RNGTT: variants seen among roughly 807,000 people sequenced by gnomAD.
RNGTT encodes mRNA-capping enzyme.
Under a neutral mutation model 79.3 loss-of-function variants are expected in RNGTT, and 33 were observed. That is an observed-to-expected ratio of 0.42 (90% CI 0.32 to 0.56). RNGTT has a LOEUF of 0.56. RNGTT is among the 20% of genes least tolerant of loss of function. The probability of loss-of-function intolerance (pLI) is 0.17; values close to 1 mark genes in which losing one functional copy is unlikely to be tolerated. For synonymous variants in RNGTT, 222 were observed against 235.9 expected (o/e 0.94, Z 0.54); for missense variants, 497 against 739.1 (o/e 0.67, Z 3.80).
intron 13 of RNGTT, among the ~76,000 whole-genome samples, chr6:88,769,423 G>A (rs1441871970): frequency 6.6e-6 from 1 of 152,074 alleles, no homozygotes; most frequent in African/African-American, 2.4e-5. Flanking sequence ...GCCTCCCAAA[G>A]TGCTAGGATT....
chr6:88,619,030 G>A (rs946404595), intron 14 of RNGTT, among the ~76,000 whole-genome samples: 7 of 151,696 alleles, frequency 4.6e-5, no homozygotes, highest in African/African-American at 1.5e-4. Context: ...TTTATTATTT[G>A]GTTTATAATA....
chr6:88,874,155 T>G (rs1176458543), intron 8 of RNGTT, among the ~76,000 whole-genome samples: 1 of 152,138 alleles, frequency 6.6e-6, no homozygotes, highest in Non-Finnish European at 1.5e-5. Context: ...TTGCATTAAT[T>G]ACCATTTATG....
chr6:88,719,412 C>T (rs9342152), intron 13 of RNGTT, among the ~76,000 whole-genome samples: 18,013 of 152,194 alleles, frequency 0.12, 1,187 homozygotes, highest in Middle Eastern at 0.23. Context: ...AAATGATTCA[C>T]TCTCTAGTCT....
In RNGTT at chr6:88,843,661, C is replaced by T. The variant is rs1056777457; in HGVS notation, c.1269+696G>A. ...GCAACCTCCACCTTCTGAGTTCAAGCGATTCTCCTGCCTCAGCCTCCCGAG... is the reference window on the plus strand; with the variant it reads ...GCAACCTCCACCTTCTGAGTTCAAGTGATTCTCCTGCCTCAGCCTCCCGAG... On this transcript the variant is annotated intron_variant, in intron 11 of 15. Transcript: ENST00000369485. 8.3e-5 allele frequency among the ~76,000 whole-genome samples: 12 copies of T among 143,968 alleles called. No individual in the cohort carries two copies. In the South Asian group the frequency reaches 1.3e-3, roughly 16 times the overall value. The allele number at this position is 143,968 out of a possible 152,430, so 94.4% of individuals were successfully genotyped here.
chr6:88,755,479 AACT>A (rs1010857133), intron 13 of RNGTT, among the ~76,000 whole-genome samples: 8 of 152,162 alleles, frequency 5.3e-5, no homozygotes, highest in Non-Finnish European at 1.0e-4. Context: ...GACAAAAAAA[AACT>A]ACTAAGTTTT....
chr6:88,811,184 G>C (rs1226980427), intron 11 of RNGTT, among the ~76,000 whole-genome samples: 1 of 152,048 alleles, frequency 6.6e-6, no homozygotes, highest in African/African-American at 2.4e-5. Context: ...CCCTAAACTA[G>C]GATACAATCC....
At chr6:88,845,531 T>C (rs549336942) in intron 10 of RNGTT, among the ~76,000 whole-genome samples, 1 of 152,340 alleles carries the variant, frequency 6.6e-6, no homozygotes, top group African/African-American at 2.4e-5. Flanking sequence ...TCTTTTATTT[T>C]GCAACTGGAC....
At chr6:88,781,861 C>T (rs532564958) in intron 12 of RNGTT, among the ~76,000 whole-genome samples, 1 of 152,150 alleles carries the variant, frequency 6.6e-6, no homozygotes, top group African/African-American at 2.4e-5. Context: ...CGATCTCTAC[C>T]AATTCCATAT....
intron 4 of RNGTT, among the ~76,000 whole-genome samples, chr6:88,912,626 T>C (rs973285946): frequency 8.6e-5 from 13 of 151,874 alleles, no homozygotes; most frequent in Non-Finnish European, 1.2e-4. Context: ...ATAAACAAGA[T>C]TGACAGGCCA....
intron 1 of RNGTT, among the ~76,000 whole-genome samples, chr6:88,957,540 C>T (rs543928014): frequency 7.2e-5 from 11 of 152,226 alleles, no homozygotes; most frequent in South Asian, 4.1e-4. Flanking sequence ...ACAAAATCAA[C>T]GTACACAAAT....
intron 14 of RNGTT, among the ~76,000 whole-genome samples, chr6:88,642,036 AG>A (rs1328457148): frequency 3.9e-5 from 6 of 152,126 alleles, no homozygotes; most frequent in Non-Finnish European, 8.8e-5. Context: ...TTTGAGAGAG[AG>A]AGAGAGAGAG....
intron 14 of RNGTT, among the ~76,000 whole-genome samples, chr6:88,648,380 G>A (rs868819845): frequency 2.6e-5 from 4 of 151,890 alleles, no homozygotes; most frequent in Non-Finnish European, 4.4e-5. Context: ...ATTAAATGAC[G>A]AGTTAATGGA....
chr6:88,799,480 C>G (rs1285499782), intron 12 of RNGTT, among the ~76,000 whole-genome samples: 2 of 152,014 alleles, frequency 1.3e-5, no homozygotes, highest in Admixed American at 1.3e-4. Flanking sequence ...AGGCGGATCA[C>G]CTGAGATCAG....
rs7774265 is a variant in RNGTT at position 88,630,672 on chromosome 6, A to T, written c.1507-16277T>A. The stretch of plus-strand genomic sequence containing the variant: ...AGTTAAACAGGCCAAGCAATAGTTC[A>T]GCAAGTCGGTGGGGAGGGGGTGACA... On this transcript the variant is annotated intron_variant, in intron 14 of 15. Coordinates refer to ENST00000369485, the MANE Select transcript of RNGTT (RefSeq NM_003800.5). Among the ~76,000 whole-genome samples, 1,203 of 152,216 alleles carry T rather than the reference A, an allele frequency of 7.9e-3. 8 individuals carry two copies. The highest frequency in any genetic ancestry group is 0.027 in the African/African-American group (1,116 of 41,532).
intron 14 of RNGTT, among the ~76,000 whole-genome samples, chr6:88,635,048 T>C (rs540565573): frequency 6.6e-6 from 1 of 152,152 alleles, no homozygotes; most frequent in East Asian, 1.9e-4. Context: ...AGGTTACATT[T>C]GAGTAGTGGT....
intron 1 of RNGTT, among the ~76,000 whole-genome samples, chr6:88,944,885 G>A (rs1784955737): frequency 6.6e-6 from 1 of 152,240 alleles, no homozygotes; most frequent in Admixed American, 6.5e-5. Context: ...TAGAGAACCT[G>A]GCATTGGGGG....
At chr6:88,748,961 A>G (rs932240678) in intron 13 of RNGTT, among the ~76,000 whole-genome samples, 2 of 152,118 alleles carry the variant, frequency 1.3e-5, no homozygotes, top group Non-Finnish European at 2.9e-5. Flanking sequence ...AAGAACAAAG[A>G]AAAGAAAGGT....
chr6:88,828,196 C>T lies in RNGTT; in HGVS notation c.1269+16161G>A, dbSNP rs565754710. Among the ~76,000 whole-genome samples, 38 of 152,258 alleles carry T rather than the reference C, an allele frequency of 2.5e-4. 1 individual carries two copies. The highest frequency in any genetic ancestry group is 9.1e-4 in the African/African-American group (38 of 41,538). Reference sequence around the variant, plus strand: ...TAGGACAAAGCTTCCGGAGGAAGAACAGGCAGAAATCTTTGCTGTTCTGTA... The same window carrying T: ...TAGGACAAAGCTTCCGGAGGAAGAATAGGCAGAAATCTTTGCTGTTCTGTA... On this transcript the variant is annotated intron_variant, in intron 11 of 15. Transcript: ENST00000369485.
intron 11 of RNGTT, among the ~76,000 whole-genome samples, chr6:88,828,249 AG>A (rs1339533666): frequency 6.6e-6 from 1 of 152,188 alleles, no homozygotes. Context: ...CCAGGCAAAC[AG>A]GGTCTGGACT....
Sources: gnomAD v4.1 joint callset for allele counts (sites outside exome capture counted in the v4.1 genomes callset) on GRCh38, gnomAD v4.1.1 for gene constraint, MANE v1.5 for transcripts, NCBI Gene and HGNC (gene_info 2026-07-23, HGNC 2026-07-21) for gene names.